The following TENM1 variants were observed in gnomAD, a reference collection of about 807,000 sequenced individuals.
The protein encoded by TENM1 is teneurin transmembrane protein 1.
A neutral mutation model predicts 174.8 loss-of-function variants in TENM1; 35 were observed. The ratio of observed to expected loss-of-function variants is 0.20; its 90% confidence interval spans 0.15 to 0.27. The LOEUF (loss-of-function observed/expected upper bound fraction) is 0.27, where lower values mean the gene tolerates loss of function less well. Ranked by LOEUF, TENM1 falls within the 10% of genes least tolerant of loss-of-function variation. TENM1 has a pLI of 1.00. For synonymous variants in TENM1, 781 were observed against 798.7 expected (o/e 0.98, Z 0.37); for missense variants, 1,633 against 2,130.1 (o/e 0.77, Z 4.59).
chrX:124,610,516 C>A (rs1252588494), intron 11 of TENM1, among the ~76,000 whole-genome samples: 1 of 111,391 alleles, frequency 9.0e-6, no homozygotes, highest in Admixed American at 9.5e-5. Context: ...ATTGTCAACT[C>A]AACTCTTTGA....
Position 124,417,225 on chromosome X carries a change from T to G in TENM1, c.4982+3086A>C, listed in dbSNP as rs759234657. Among the ~76,000 whole-genome samples, 4 of 110,897 alleles carry G rather than the reference T, an allele frequency of 3.6e-5. No individual in the cohort carries two copies. The South Asian group carries it at 1.2e-3, about 33-fold the overall frequency. On this transcript the variant is annotated intron_variant, in intron 25 of 31. Coordinates refer to ENST00000422452, the Ensembl canonical transcript of TENM1. ...ACTCTTTTCTTCTCTTTCTTTTTTT[T>G]TGAAACAGAGTTTCGCTCTTGTTGC...
chrX:124,409,041 T>C (rs1463695583), intron 25 of TENM1, among the ~76,000 whole-genome samples: 1 of 110,058 alleles, frequency 9.1e-6, no homozygotes, highest in Non-Finnish European at 1.9e-5. Context: ...GGTGTATATG[T>C]GCCATATTTT....
chrX:124,422,748 AT>A, intron 23 of TENM1, 110 bp from the exon 27 acceptor site: 1 of 798,534 alleles, frequency 1.3e-6, no homozygotes. Context: ...CGTCTTATGA[AT>A]TTTAGCAACA....
At chrX:125,158,527 C>A in the TENM1 span, among the ~76,000 whole-genome samples, 5 of 109,819 alleles carry the variant, frequency 4.6e-5, no homozygotes, top group Non-Finnish European at 5.7e-5. Flanking sequence ...TCATGGTTAT[C>A]CACATGATAT....
intron 5 of TENM1, among the ~76,000 whole-genome samples, chrX:124,698,931 G>A (rs2052712011): frequency 9.0e-6 from 1 of 111,240 alleles, no homozygotes; most frequent in African/African-American, 3.3e-5. Flanking sequence ...TGGTGATACT[G>A]GCCCTCCCCA....
intron 11 of TENM1, among the ~76,000 whole-genome samples, chrX:124,568,249 C>T (rs2048982960): frequency 9.0e-6 from 1 of 111,046 alleles, no homozygotes. Flanking sequence ...GGCTTGGGTA[C>T]TTAAGTCCAC....
At chrX:125,010,461 T>C in the TENM1 span, among the ~76,000 whole-genome samples, 1 of 109,733 alleles carries the variant, frequency 9.1e-6, no homozygotes, top group African/African-American at 3.3e-5. Flanking sequence ...CCCAAAGTAA[T>C]TTTTAGATTC....
the TENM1 span, among the ~76,000 whole-genome samples, chrX:125,160,411 C>T: frequency 1.8e-4 from 19 of 105,490 alleles, no homozygotes; most frequent in East Asian, 1.5e-3. Context: ...GCCTGTAATC[C>T]GAGCTACTTG....
chrX:125,081,033 C>T, the TENM1 span, among the ~76,000 whole-genome samples: 1 of 111,297 alleles, frequency 9.0e-6, no homozygotes, highest in Non-Finnish European at 1.9e-5. Context: ...CTCTGCTACC[C>T]TTTTGTCCTG....
At position 124,787,110 on chromosome X, in the gene TENM1, C is replaced by T. The variant is rs752250356; in HGVS notation, c.536-49913G>A. ...AAATATTATTGCCCACTCAACACAA[C>T]TCTCAAAGTATTATGCAACATTTCA... is the stretch of plus-strand genomic sequence containing the variant. On this transcript the variant is annotated intron_variant, in intron 3 of 31. Coordinates refer to ENST00000422452, the Ensembl canonical transcript of TENM1. Among the ~76,000 whole-genome samples the T allele has an allele frequency of 2.4e-3, 265 of 111,480 alleles. 1 individual carries two copies. Among genetic ancestry groups the T allele is most frequent in the African/African-American group, 8.3e-3 (255 of 30,631 alleles).
chrX:124,544,078 T>G (rs2048379551), intron 15 of TENM1, among the ~76,000 whole-genome samples: 1 of 112,957 alleles, frequency 8.9e-6, no homozygotes, highest in Non-Finnish European at 1.9e-5. Flanking sequence ...TCAAAATGCT[T>G]TCTTCACCCG....
the TENM1 span, among the ~76,000 whole-genome samples, chrX:125,069,818 G>C: frequency 5.4e-5 from 6 of 111,042 alleles, no homozygotes; most frequent in East Asian, 1.4e-3. Context: ...TTAGTTTTTT[G>C]ACAAATCTCC....
Position 124,761,021 on chromosome X carries a change from C to A in TENM1, c.536-23824G>T, listed in dbSNP as rs752344267. On this transcript the variant is annotated intron_variant, in intron 3 of 31. Transcript: ENST00000422452. Reference sequence around the variant, plus strand: ...TACCATTTCACACCAGTTAGAATGGCGATCATTAAAAAGTCAGGAAACAAC... The same window carrying A: ...TACCATTTCACACCAGTTAGAATGGAGATCATTAAAAAGTCAGGAAACAAC... Among the ~76,000 whole-genome samples the A allele has an allele frequency of 6.3e-5, 7 of 111,561 alleles. No individual in the cohort carries two copies. The South Asian group carries it at 2.6e-3, about 42-fold the overall frequency.
At chrX:124,863,652 G>A (rs1409549556) in intron 3 of TENM1, among the ~76,000 whole-genome samples, 2 of 112,004 alleles carry the variant, frequency 1.8e-5, no homozygotes, top group African/African-American at 3.2e-5. Flanking sequence ...TCTAGTCCCT[G>A]ACTCCTGGAC....
intron 11 of TENM1, among the ~76,000 whole-genome samples, chrX:124,567,527 C>G (rs1310292975): frequency 2.7e-5 from 3 of 111,612 alleles, no homozygotes; most frequent in African/African-American, 9.8e-5. Context: ...ACATGGAATT[C>G]GTTGATGACT....
At chrX:124,888,671 C>T (rs1603263148) in intron 3 of TENM1, among the ~76,000 whole-genome samples, 1 of 112,048 alleles carries the variant, frequency 8.9e-6, no homozygotes, top group Non-Finnish European at 1.9e-5. Context: ...TTGTCTAATA[C>T]GTGATAACAG....
chrX:124,755,938 A>C (rs1235056418), intron 3 of TENM1, among the ~76,000 whole-genome samples: 7 of 101,567 alleles, frequency 6.9e-5, no homozygotes, highest in Non-Finnish European at 1.4e-4. Context: ...CCTTCATTTC[A>C]ACTTTGGTGA....
intron 15 of TENM1, among the ~76,000 whole-genome samples, chrX:124,531,199 A>G (rs1426894609): frequency 9.9e-6 from 1 of 101,312 alleles, no homozygotes; most frequent in Non-Finnish European, 2.0e-5. Context: ...CTTGGATTAA[A>G]GGGGACCATG....
the TENM1 span, among the ~76,000 whole-genome samples, chrX:125,119,076 C>A: frequency 3.6e-5 from 4 of 111,542 alleles, no homozygotes; most frequent in Admixed American, 3.8e-4. Flanking sequence ...CATTTAATTG[C>A]AAAATAGCTG....
Sources: gnomAD v4.1 joint callset for allele counts (sites outside exome capture counted in the v4.1 genomes callset) on GRCh38, gnomAD v4.1.1 for gene constraint, MANE v1.5 for transcripts, NCBI Gene and HGNC (gene_info 2026-07-23, HGNC 2026-07-21) for gene names.